Variants in FSTL4 observed in about 807,000 individuals in gnomAD.
The protein encoded by FSTL4 is follistatin like 4, also known as follistatin-related protein 4.
A neutral mutation model predicts 78.2 loss-of-function variants in FSTL4; 28 were observed. That is an observed-to-expected ratio of 0.36 (90% CI 0.27 to 0.49). FSTL4 has a LOEUF of 0.49. Ranked by LOEUF, FSTL4 falls within the 20% of genes least tolerant of loss-of-function variation. The pLI, the probability that FSTL4 is intolerant of heterozygous loss-of-function variation, is 0.98. For missense variants in FSTL4, 922 were observed against 1,084.9 expected (o/e 0.85, Z 2.11); for synonymous variants, 422 against 440.5 (o/e 0.96, Z 0.53).
At chr5:133,782,728 C>T in the FSTL4 span, among the ~76,000 whole-genome samples, 44 of 152,164 alleles carry the variant, frequency 2.9e-4, no homozygotes, top group African/African-American at 9.7e-4. Flanking sequence ...ACTGTAGAGC[C>T]GGTTAGTATT....
intron 7 of FSTL4, among the ~76,000 whole-genome samples, chr5:133,241,167 T>G (rs1751861968): frequency 6.6e-6 from 1 of 152,262 alleles, no homozygotes; most frequent in South Asian, 2.1e-4. Context: ...GGCTCTGCCC[T>G]TTGGGCTTCA....
the FSTL4 span, among the ~76,000 whole-genome samples, chr5:133,807,019 G>T: frequency 0.99 from 150,746 of 152,294 alleles, 74,624 homozygotes; most frequent in Middle Eastern, 1. Flanking sequence ...ACGCCCACAT[G>T]CTATGAATAT....
chr5:133,363,876 C>T (rs998530193), intron 4 of FSTL4, among the ~76,000 whole-genome samples: 9 of 152,196 alleles, frequency 5.9e-5, no homozygotes, highest in Non-Finnish European at 1.2e-4. Context: ...GCCCTCTCAC[C>T]GCTGAGCTGG....
At chr5:133,771,196 T>C in the FSTL4 span, among the ~76,000 whole-genome samples, 8 of 152,020 alleles carry the variant, frequency 5.3e-5, no homozygotes, top group African/African-American at 1.2e-4. Context: ...GGTTTTTTGA[T>C]GATTCAGGCT....
intron 3 of FSTL4, among the ~76,000 whole-genome samples, chr5:133,469,848 G>A (rs972249813): frequency 1.3e-5 from 2 of 151,996 alleles, no homozygotes; most frequent in African/African-American, 4.8e-5. Flanking sequence ...CGCCGTACAG[G>A]GAGCCCACCT....
rs147613853 is a variant in FSTL4 at position 133,549,953 on chromosome 5, G to A, written c.160+17233C>T. On this transcript the variant is annotated intron_variant, in intron 3 of 15. Coordinates refer to ENST00000265342, the MANE Select transcript of FSTL4 (RefSeq NM_015082.2). ...AGAGGTAGCCTACTGGGGTCTGTTG[G>A]GGTCTCAGCTTTTATGTAGAGGAGG... is the stretch of plus-strand genomic sequence containing the variant. 2.8e-3 allele frequency among the ~76,000 whole-genome samples: 422 copies of A among 152,170 alleles called. 1 individual carries two copies. The highest frequency in any genetic ancestry group is 4.5e-3 in the Non-Finnish European group (309 of 67,994).
the FSTL4 span, among the ~76,000 whole-genome samples, chr5:133,647,160 C>G: frequency 1.6e-3 from 246 of 152,304 alleles, 3 homozygotes; most frequent in African/African-American, 5.7e-3. Flanking sequence ...GCACCCAGCT[C>G]TATCCACTCA....
chr5:133,197,219 A>AGTT lies in FSTL4; in HGVS notation c.*1873_*1875dup, dbSNP rs941450130. 1 of 151,798 alleles carries AGTT rather than the reference A, an allele frequency of 6.6e-6. No individual in the cohort carries two copies. Among genetic ancestry groups the AGTT allele is most frequent in the Non-Finnish European group, 1.5e-5 (1 of 68,008 alleles). The allele number at this position is 151,798 out of a possible 1,614,324, so 9.4% of individuals were successfully genotyped here. On this transcript the variant is annotated 3_prime_UTR_variant, in exon 16 of 16. Transcript: ENST00000265342. ...ATTTTTCCAAAAAAAAGTTTATGAA[A>AGTT]GTTGGAGAATTTTAGTGGTAAAAAT...
At position 133,332,174 on chromosome 5, in the gene FSTL4, A is replaced by G. The variant is rs189539757; in HGVS notation, c.410-15522T>C. On this transcript the variant is annotated intron_variant, in intron 4 of 15. Coordinates refer to ENST00000265342, the MANE Select transcript of FSTL4 (RefSeq NM_015082.2). ...TCTTCCAGCGATGGAGTTTGATTCC[A>G]GACACATCTCAGCCATAATGCATCT... Among the ~76,000 whole-genome samples, 5 of 152,286 alleles carry G rather than the reference A, an allele frequency of 3.3e-5. No individual in the cohort carries two copies. The East Asian group carries it at 9.7e-4, about 29-fold the overall frequency.
At chr5:133,769,717 A>T in the FSTL4 span, among the ~76,000 whole-genome samples, 10,465 of 152,278 alleles carry the variant, frequency 0.069, 475 homozygotes, top group African/African-American at 0.12. Context: ...AAAAATCTTT[A>T]TGTATTTAGG....
intron 1 of FSTL4, among the ~76,000 whole-genome samples, chr5:133,610,779 G>A (rs1055002305): frequency 6.6e-6 from 1 of 152,216 alleles, no homozygotes; most frequent in African/African-American, 2.4e-5. Context: ...AAAAAGCATC[G>A]CTGGTTTCCC....
the FSTL4 span, among the ~76,000 whole-genome samples, chr5:133,679,193 G>A: frequency 9.0e-4 from 137 of 152,222 alleles, 1 homozygote; most frequent in African/African-American, 3.1e-3. Flanking sequence ...AGAGCCCAAG[G>A]TTTTAATCAT....
chr5:133,514,304 C>T (rs1758809247), intron 3 of FSTL4, among the ~76,000 whole-genome samples: 2 of 151,152 alleles, frequency 1.3e-5, no homozygotes, highest in African/African-American at 2.4e-5. Flanking sequence ...ATCAAAGGCT[C>T]GAGAGAAGAG....
the FSTL4 span, among the ~76,000 whole-genome samples, chr5:133,649,722 G>A: frequency 1.3e-5 from 2 of 152,082 alleles, no homozygotes; most frequent in African/African-American, 4.8e-5. Flanking sequence ...TTATTGTTGA[G>A]TTTTTAAGAG....
chr5:133,636,792 G>A, the FSTL4 span, among the ~76,000 whole-genome samples: 1 of 152,134 alleles, frequency 6.6e-6, no homozygotes, highest in African/African-American at 2.4e-5. Flanking sequence ...GTGCAGGGTG[G>A]TAGAACTAGT....
intron 4 of FSTL4, among the ~76,000 whole-genome samples, chr5:133,324,863 G>A (rs902125002): frequency 1.3e-5 from 2 of 152,228 alleles, no homozygotes; most frequent in Non-Finnish European, 2.9e-5. Context: ...TCAGTTCCTT[G>A]GGGGGCATGC....
chr5:133,503,643 C>G (rs1758546042), intron 3 of FSTL4, among the ~76,000 whole-genome samples: 1 of 152,210 alleles, frequency 6.6e-6, no homozygotes, highest in African/African-American at 2.4e-5. Flanking sequence ...ACAATTTTAG[C>G]CACTTATGGC....
intron 6 of FSTL4, among the ~76,000 whole-genome samples, chr5:133,279,036 G>A (rs1443342667): frequency 6.6e-6 from 1 of 152,224 alleles, no homozygotes; most frequent in Non-Finnish European, 1.5e-5. Flanking sequence ...TATACTGTGT[G>A]GTTGCAACTC....
the FSTL4 span, among the ~76,000 whole-genome samples, chr5:133,834,522 G>T: frequency 1.2e-4 from 18 of 151,156 alleles, no homozygotes; most frequent in African/African-American, 4.4e-4. Context: ...GGGGGTGGGG[G>T]GAGTAACAAT....
Sources: allele counts gnomAD v4.1 joint callset (sites outside exome capture counted in the v4.1 genomes callset), GRCh38; gene constraint gnomAD v4.1.1; transcripts MANE v1.5; gene names NCBI Gene and HGNC (gene_info 2026-07-23, HGNC 2026-07-21).